Variants in BTK observed in about 807,000 individuals in gnomAD.
BTK encodes the protein tyrosine-protein kinase BTK.
Under a neutral mutation model 57.4 loss-of-function variants are expected in BTK, and 5 were observed. The ratio of observed to expected loss-of-function variants is 0.09; its 90% CI spans 0.05 to 0.18. BTK has a LOEUF of 0.18. BTK is among the 10% of genes least tolerant of loss of function. BTK has a pLI of 1.00. For synonymous variants in BTK, 154 were observed against 174.3 expected (o/e 0.88, Z 0.92); for missense variants, 194 against 501.2 (o/e 0.39, Z 5.85).
intron 18 of BTK, among the ~76,000 whole-genome samples, chrX:101,351,959 C>T (rs1340766435): frequency 1.8e-5 from 2 of 109,630 alleles, no homozygotes; most frequent in East Asian, 2.9e-4. Context: ...GTCAGGAGAT[C>T]GAGACCATCT....
intron 1 of BTK, among the ~76,000 whole-genome samples, chrX:101,383,937 C>T (rs1341082394): frequency 9.0e-6 from 1 of 111,673 alleles, no homozygotes; most frequent in Non-Finnish European, 1.9e-5. Flanking sequence ...TCATGCATAA[C>T]CAAGTAGCTT....
At chrX:101,369,925 T>C (rs1926971347) in intron 5 of BTK, 73 bp downstream of exon 5, 2 of 975,880 alleles carry the variant, frequency 2.0e-6, no homozygotes, top group South Asian at 4.0e-5. Flanking sequence ...TTCTTTCCTT[T>C]TCCTCCCGTC....
At chrX:101,375,777 C>T (rs1178600561) in intron 1 of BTK, among the ~76,000 whole-genome samples, 2 of 111,691 alleles carry the variant, frequency 1.8e-5, no homozygotes, top group Non-Finnish European at 3.8e-5. Flanking sequence ...ATTTCCTAGA[C>T]GGTGAATATA....
intron 1 of BTK, 43 bp from the exon 2 acceptor site, chrX:101,375,357 T>G (rs781898961): frequency 5.2e-6 from 6 of 1,155,652 alleles, no homozygotes; most frequent in Non-Finnish European, 7.1e-6. Context: ...ACATTAATCC[T>G]CATCCCTCTT....
intron 3 of BTK, among the ~76,000 whole-genome samples, chrX:101,373,487 C>T (rs782289028): frequency 4.5e-5 from 5 of 111,399 alleles, no homozygotes; most frequent in Admixed American, 9.5e-5. Flanking sequence ...GAAAAGTTTC[C>T]CACATATCGT....
intron 5 of BTK, among the ~76,000 whole-genome samples, chrX:101,365,130 A>C (rs1926811009): frequency 9.0e-6 from 1 of 110,796 alleles, no homozygotes. Context: ...AGTTGTGAAC[A>C]ATGTCATTGA....
chrX:101,349,754 T>C lies in BTK; in HGVS notation c.*131A>G. 1.8e-6 allele frequency: 1 copy of C among 548,506 alleles called. No homozygotes were observed. The highest frequency in any genetic ancestry group is 2.9e-5 in the South Asian group (1 of 34,419). 45.2% of individuals were successfully genotyped at this position (548,506 alleles called of 1,213,427 possible). ...CAAAGAAGAGGTGCATTCCCAGATG[T>C]AGAGAGGGGCCTTTTTGTATTGAGT... On this transcript the variant is annotated 3_prime_UTR_variant, in exon 19 of 19. Transcript: ENST00000308731.
chrX:101,355,226 G>A (rs1020602625), intron 15 of BTK, among the ~76,000 whole-genome samples: 6 of 112,477 alleles, frequency 5.3e-5, no homozygotes, highest in Non-Finnish European at 7.5e-5. Context: ...GCAGTGAGCC[G>A]AGATGGTGCC....
chrX:101,356,985 G>T, intron 13 of BTK, 30 bp from the exon 14 acceptor site: 1 of 1,202,864 alleles, frequency 8.3e-7, no homozygotes, highest in South Asian at 1.8e-5. Flanking sequence ...GTGATTCTTT[G>T]GGGTCATGAA....
chrX:101,364,906 T>C (rs1183541528), intron 5 of BTK, among the ~76,000 whole-genome samples: 2 of 110,861 alleles, frequency 1.8e-5, no homozygotes, highest in Non-Finnish European at 3.8e-5. Flanking sequence ...CAAGCCCGGC[T>C]AATTTTTGTG....
intron 10 of BTK, 105 bp from the exon 11 acceptor site, chrX:101,358,801 T>C (rs782797539): frequency 8.9e-6 from 6 of 673,249 alleles, no homozygotes; most frequent in Non-Finnish European, 1.5e-5. Flanking sequence ...CTGATTTTAC[T>C]GCCAAGTTCC....
intron 5 of BTK, among the ~76,000 whole-genome samples, chrX:101,366,458 T>C (rs781850640): frequency 8.6e-4 from 96 of 111,241 alleles, no homozygotes; most frequent in African/African-American, 3.1e-3. Context: ...GGTCCCCTTT[T>C]CATGTCAATG....
chrX:101,382,595 TC>T (rs1927485822), intron 1 of BTK, among the ~76,000 whole-genome samples: 1 of 111,326 alleles, frequency 9.0e-6, no homozygotes, highest in Non-Finnish European at 1.9e-5. Context: ...CTTCTAGGTC[TC>T]TGTGATTCAT....
chrX:101,374,672 A>T (rs200888551), intron 2 of BTK, 38 bp from the exon 3 acceptor site: 2 of 1,052,554 alleles, frequency 1.9e-6, no homozygotes, highest in Non-Finnish European at 2.7e-6. Flanking sequence ...GAGAAAGATT[A>T]AGAGGGATTA....
intron 16 of BTK, 37 bp downstream of exon 16, chrX:101,354,593 T>A: frequency 2.5e-6 from 3 of 1,191,149 alleles, no homozygotes; most frequent in Non-Finnish European, 3.4e-6. Flanking sequence ...TGTGCTATTT[T>A]TACTTCTGGA....
chrX:101,378,288 T>C (rs1370637883), intron 1 of BTK, among the ~76,000 whole-genome samples: 2 of 111,077 alleles, frequency 1.8e-5, no homozygotes, highest in Non-Finnish European at 3.8e-5. Flanking sequence ...TTCCCCATGT[T>C]GGCCAGGCTG....
chrX:101,353,087 G>T, intron 18 of BTK, 107 bp downstream of exon 18: 1 of 725,369 alleles, frequency 1.4e-6, no homozygotes, highest in Non-Finnish European at 2.0e-6. Flanking sequence ...AAAAAAAAAG[G>T]AAAAAAAAGA....
intron 5 of BTK, among the ~76,000 whole-genome samples, chrX:101,366,187 G>A (rs1252395495): frequency 1.9e-5 from 2 of 106,159 alleles, no homozygotes; most frequent in African/African-American, 7.2e-5. Flanking sequence ...CAGGAGAATC[G>A]CTTGAACGCA....
intron 17 of BTK, among the ~76,000 whole-genome samples, 184 bp downstream of exon 17, chrX:101,353,686 A>G (rs782750467): frequency 8.9e-6 from 1 of 112,646 alleles, no homozygotes; most frequent in African/African-American, 3.2e-5. Context: ...AAAGGCAGAG[A>G]TCATGTCCAG....
Sources: allele counts gnomAD v4.1 joint callset (sites outside exome capture counted in the v4.1 genomes callset), GRCh38; gene constraint gnomAD v4.1.1; transcripts MANE v1.5; gene names NCBI Gene and HGNC (gene_info 2026-07-23, HGNC 2026-07-21).